Variants in LDB2 observed in about 807,000 individuals in gnomAD.
LDB2 encodes the protein LIM domain-binding protein 2.
LDB2 carries 12 observed loss-of-function variants against 44.3 expected under a neutral mutation model. The observed-to-expected ratio is 0.27, with a 90% CI of 0.17 to 0.44. LDB2 has a LOEUF of 0.44. Among genes scored for constraint, LDB2 ranks in the 20% least tolerant of loss-of-function variants. The probability of loss-of-function intolerance (pLI) is 1.00; values close to 1 mark genes in which losing one functional copy is unlikely to be tolerated. For synonymous variants in LDB2, 164 were observed against 174.8 expected (o/e 0.94, Z 0.49); for missense variants, 344 against 473.5 (o/e 0.73, Z 2.54).
At chr4:16,570,848 C>G (rs1004543686) in intron 5 of LDB2, among the ~76,000 whole-genome samples, 1 of 152,102 alleles carries the variant, frequency 6.6e-6, no homozygotes, top group Non-Finnish European at 1.5e-5. Flanking sequence ...ATCGTGAACA[C>G]TTTTCTGGTA....
intron 1 of LDB2, among the ~76,000 whole-genome samples, chr4:16,844,172 G>A (rs979102276): frequency 4.2e-5 from 6 of 143,566 alleles, no homozygotes; most frequent in African/African-American, 1.3e-4. Flanking sequence ...TGAGAGAATC[G>A]CGTAAGCCTA....
At chr4:16,860,723 C>G (rs528732311) in intron 1 of LDB2, among the ~76,000 whole-genome samples, 24 of 152,334 alleles carry the variant, frequency 1.6e-4, no homozygotes, top group African/African-American at 5.5e-4. Context: ...CATGACCAGA[C>G]TATTCAATGA....
chr4:16,859,890 G>T (rs1328148640), intron 1 of LDB2, among the ~76,000 whole-genome samples: 2 of 152,186 alleles, frequency 1.3e-5, no homozygotes, highest in South Asian at 2.1e-4. Context: ...CAGGCACTAT[G>T]CAAAACGCTT....
At chr4:16,778,287 A>G (rs1192724331) in intron 1 of LDB2, among the ~76,000 whole-genome samples, 1 of 152,156 alleles carries the variant, frequency 6.6e-6, no homozygotes, top group East Asian at 1.9e-4. Flanking sequence ...ACACACACAC[A>G]ATCATACGCA....
intron 4 of LDB2, among the ~76,000 whole-genome samples, 162 bp downstream of exon 4, chr4:16,588,548 G>C (rs893840569): frequency 2.6e-5 from 4 of 152,158 alleles, no homozygotes; most frequent in Non-Finnish European, 5.9e-5. Flanking sequence ...AGGGCCTGTG[G>C]ATTAAAACCG....
At chr4:16,798,599 C>G (rs1777178654) in intron 1 of LDB2, among the ~76,000 whole-genome samples, 1 of 150,184 alleles carries the variant, frequency 6.7e-6, no homozygotes, top group South Asian at 2.1e-4. Context: ...GCTGAAAATG[C>G]CCCCCACCTC....
intron 6 of LDB2, among the ~76,000 whole-genome samples, chr4:16,508,922 TTCTC>T (rs1302649163): frequency 1.4e-5 from 2 of 142,050 alleles, no homozygotes; most frequent in African/African-American, 5.2e-5. Context: ...TATTTAATCA[TTCTC>T]TCTAATGGTA....
intron 1 of LDB2, among the ~76,000 whole-genome samples, chr4:16,858,338 C>A (rs147574893): frequency 2.0e-4 from 31 of 152,268 alleles, no homozygotes; most frequent in South Asian, 4.2e-4. Context: ...GCAAGGAATT[C>A]CTGTTTACAT....
At chr4:16,860,223 C>T (rs776190720) in intron 1 of LDB2, among the ~76,000 whole-genome samples, 16 of 152,132 alleles carry the variant, frequency 1.1e-4, no homozygotes, top group Non-Finnish European at 1.6e-4. Context: ...TTTCATAATG[C>T]GCAATTTATC....
At chr4:16,545,539 A>C (rs1735465658) in intron 5 of LDB2, among the ~76,000 whole-genome samples, 1 of 152,174 alleles carries the variant, frequency 6.6e-6, no homozygotes, top group African/African-American at 2.4e-5. Context: ...ATTCTGGATA[A>C]ATCCGCTTCA....
chr4:16,693,025 G>A (rs1751169057), intron 2 of LDB2, among the ~76,000 whole-genome samples: 1 of 152,124 alleles, frequency 6.6e-6, no homozygotes, highest in Admixed American at 6.5e-5. Flanking sequence ...GTGGGAATTA[G>A]GTAATTATCT....
chr4:16,666,806 C>A (rs1743377506), intron 2 of LDB2, among the ~76,000 whole-genome samples: 1 of 152,148 alleles, frequency 6.6e-6, no homozygotes. Flanking sequence ...AGTTTTTCCC[C>A]CTTGACTAGA....
intron 2 of LDB2, among the ~76,000 whole-genome samples, chr4:16,617,282 G>A (rs1293410459): frequency 2.0e-5 from 3 of 151,762 alleles, no homozygotes; most frequent in Non-Finnish European, 4.4e-5. Context: ...TAGGGCGAGT[G>A]GAATACTGAA....
chr4:16,892,481 G>A (rs946583756), intron 1 of LDB2, among the ~76,000 whole-genome samples: 2 of 152,200 alleles, frequency 1.3e-5, no homozygotes, highest in Admixed American at 6.5e-5. Context: ...AGAAAATGAC[G>A]AAGGTATTTG....
intron 5 of LDB2, among the ~76,000 whole-genome samples, chr4:16,539,929 A>G (rs1212829719): frequency 1.3e-5 from 2 of 152,160 alleles, no homozygotes; most frequent in Non-Finnish European, 2.9e-5. Flanking sequence ...GAGACTGGGT[A>G]ATTTATGAAG....
At chr4:16,813,008 T>C (rs74566680) in intron 1 of LDB2, among the ~76,000 whole-genome samples, 3 of 151,810 alleles carry the variant, frequency 2.0e-5, no homozygotes, top group Non-Finnish European at 4.4e-5. Context: ...CTTTTTTTTT[T>C]CTTTTTTGAG....
chr4:16,852,296 C>A (rs1252434075), intron 1 of LDB2, among the ~76,000 whole-genome samples: 1 of 152,150 alleles, frequency 6.6e-6, no homozygotes, highest in Non-Finnish European at 1.5e-5. Context: ...CTACCCATGA[C>A]TAGGGAGGAA....
chr4:16,518,345 A>G (rs1297927466), intron 5 of LDB2, among the ~76,000 whole-genome samples: 2 of 152,118 alleles, frequency 1.3e-5, no homozygotes, highest in Non-Finnish European at 2.9e-5. Flanking sequence ...TTATCTCCCA[A>G]TCTAGGCTCT....
rs545889738 is a variant in LDB2 at position 16,731,064 on chromosome 4, C to T, written c.235+28094G>A. 3.9e-5 allele frequency among the ~76,000 whole-genome samples: 6 copies of T among 152,246 alleles called. 1 individual carries two copies. In the South Asian group the frequency reaches 6.2e-4, roughly 16 times the overall value. On this transcript the variant is annotated intron_variant, in intron 2 of 7. Transcript: ENST00000304523. Reference sequence around the variant, plus strand: ...AAAAAGCAGGAAGAAAACAAATAAACGAACTGCTCTTGACCACCAAAAAGA... The same window carrying T: ...AAAAAGCAGGAAGAAAACAAATAAATGAACTGCTCTTGACCACCAAAAAGA...
Sources: allele counts gnomAD v4.1 joint callset (sites outside exome capture counted in the v4.1 genomes callset), GRCh38; gene constraint gnomAD v4.1.1; transcripts MANE v1.5; gene names NCBI Gene and HGNC (gene_info 2026-07-23, HGNC 2026-07-21).